The following REXO1 variants were observed in gnomAD, a reference collection of about 807,000 sequenced individuals.
The protein encoded by REXO1 is RNA exonuclease 1 homolog.
Under a neutral mutation model 102.6 loss-of-function variants are expected in REXO1, and 42 were observed. The observed-to-expected ratio is 0.41, with a 90% CI of 0.32 to 0.53. REXO1 has a LOEUF of 0.53. Ranked by LOEUF, REXO1 falls within the 20% of genes least tolerant of loss-of-function variation. The pLI is 0.27. For missense variants in REXO1, 1,819 were observed against 1,732.5 expected, an observed-to-expected ratio of 1.05 and a Z score of -0.89; for synonymous variants, 908 against 779.1, an observed-to-expected ratio of 1.17 and a Z score of -2.76.
Position 1,819,018 on chromosome 19 carries a change from C to G in REXO1, c.2764G>C (p.Gly922Arg), listed in dbSNP as rs774246641. The part of the protein sequence containing the change: ...PSSPRVEDLK[G>R]AALYSRLREY... Reference sequence around the variant, plus strand: ...TGGCAGAGCAGGGGCAGGGCCTTACCTTTCAGGTCCTCCACCCGGGGGCTG... The same window carrying G: ...TGGCAGAGCAGGGGCAGGGCCTTACGTTTCAGGTCCTCCACCCGGGGGCTG... Residue 922 changes from glycine to arginine, a missense_variant and splice_region_variant, in exon 8 of 16, where the codon GGG becomes CGG. Coordinates refer to ENST00000170168, the MANE Select transcript of REXO1 (RefSeq NM_020695.4). 2 of 1,598,964 alleles carry G rather than the reference C, an allele frequency of 1.3e-6. No homozygotes were observed. Among genetic ancestry groups the G allele is most frequent in the East Asian group, 4.5e-5 (2 of 44,670 alleles).
intron 14 of REXO1, 31 bp from the exon 15 acceptor site, chr19:1,816,376 G>T (rs530385958): frequency 2.5e-6 from 4 of 1,594,798 alleles, no homozygotes; most frequent in Non-Finnish European, 3.4e-6. Flanking sequence ...CAGCGCACGT[G>T]GGGCCTGCGC....
At chr19:1,844,837 G>A (rs949897009) in intron 1 of REXO1, among the ~76,000 whole-genome samples, 14 of 152,198 alleles carry the variant, frequency 9.2e-5, no homozygotes, top group African/African-American at 2.2e-4. Flanking sequence ...AGCCTGTGGC[G>A]CAGCACTAGC....
rs1384565837 is a variant in REXO1 at position 1,817,257 on chromosome 19, C to T, written c.3163G>A (p.Asp1055Asn). ...VKTFEKELSG[D>N]THPGIYALDC... ...AGGGCGTAGATCCCCGGGTGGGTGT[C>T]TCCTGAGAGCTCTTTCTCAAAGGTC... Residue 1055 changes from aspartate (D) to asparagine (N), a missense_variant, in exon 12 of 16, where the codon GAC becomes AAC. By Grantham distance (23) the Asp-to-Asn change is conservative. Transcript: ENST00000170168. The T allele has an allele frequency of 5.6e-6, 9 of 1,613,216 alleles. No individual in the cohort carries two copies. The highest frequency in any genetic ancestry group is 5.9e-6 in the Non-Finnish European group (7 of 1,180,004).
chr19:1,843,798 C>T (rs1056895093), intron 1 of REXO1, among the ~76,000 whole-genome samples: 1 of 152,224 alleles, frequency 6.6e-6, no homozygotes, highest in African/African-American at 2.4e-5. Context: ...GGTGGTCAGA[C>T]GGTGCCTTCA....
At chr19:1,837,606 C>T (rs2070077309) in intron 1 of REXO1, among the ~76,000 whole-genome samples, 1 of 152,224 alleles carries the variant, frequency 6.6e-6, no homozygotes, top group Non-Finnish European at 1.5e-5. Flanking sequence ...CCACACCAGA[C>T]TCCACCCAGG....
At chr19:1,844,650 G>A (rs2011454053) in intron 1 of REXO1, among the ~76,000 whole-genome samples, 2 of 152,196 alleles carry the variant, frequency 1.3e-5, no homozygotes, top group South Asian at 2.1e-4. Flanking sequence ...AGCCCCAGCT[G>A]GGACGCCGCC....
Position 1,846,166 on chromosome 19 carries a change from A to G in REXO1, c.157+2036T>C, listed in dbSNP as rs796292466. Among the ~76,000 whole-genome samples, 9 of 152,312 alleles carry G rather than the reference A, an allele frequency of 5.9e-5. 2 individuals carry two copies. Among genetic ancestry groups the G allele is most frequent in the African/African-American group, 1.7e-4 (7 of 41,552 alleles). The stretch of plus-strand genomic sequence containing the variant: ...CACCCTAAAATCCCCTTGAGAAGAC[A>G]TGGCAAAGGCTAGATCACGCCAGCC... On this transcript the variant is annotated intron_variant, in intron 1 of 15. Transcript: ENST00000170168.
intron 3 of REXO1, among the ~76,000 whole-genome samples, chr19:1,824,775 G>T (rs563567329): frequency 7.1e-5 from 9 of 126,442 alleles, no homozygotes; most frequent in Non-Finnish European, 1.3e-4. Flanking sequence ...TTTATGAATG[G>T]ATAACTCATT....
Position 1,826,641 on chromosome 19 carries a change from C to T in REXO1, c.1911+237G>A, listed in dbSNP as rs1172253818. Among the ~76,000 whole-genome samples, 2 of 152,034 alleles carry T rather than the reference C, an allele frequency of 1.3e-5. No individual in the cohort carries two copies. The highest frequency in any genetic ancestry group is 3.9e-4 in the East Asian group (2 of 5,152). On this transcript the variant is annotated intron_variant, in intron 2 of 15. Coordinates refer to ENST00000170168, the MANE Select transcript of REXO1 (RefSeq NM_020695.4). This position sits in a 1 kb window ranked among gnomAD's most constrained non-coding sequence, Gnocchi z 4.3. ...GACCGTGTGCACGTGGCCACAGAAG[C>T]CTGGCTGGTGGCCACGGGCCAGTGA... is the stretch of plus-strand genomic sequence containing the variant.
chr19:1,816,898 C>G, intron 12 of REXO1, 85 bp from the exon 13 acceptor site: 2 of 1,037,646 alleles, frequency 1.9e-6, no homozygotes, highest in Non-Finnish European at 2.9e-6. Flanking sequence ...TCTCCAGAGC[C>G]CCTCCAGGCA....
chr19:1,847,195 G>A (rs368685986), intron 1 of REXO1, among the ~76,000 whole-genome samples: 1 of 152,224 alleles, frequency 6.6e-6, no homozygotes, highest in African/African-American at 2.4e-5. Flanking sequence ...CACAGGTGCA[G>A]GTGTCCCAAG....
Position 1,817,793 on chromosome 19 carries a change from C to A in REXO1, c.3017-13G>T, listed in dbSNP as rs2069414675. 1.2e-6 allele frequency: 2 copies of A among 1,609,656 alleles called. No individual in the cohort carries two copies. Among genetic ancestry groups the A allele is most frequent in the Non-Finnish European group, 1.7e-6 (2 of 1,178,190 alleles). ...CAGCCTCCGGCCACTGCAGGGGACA[C>A]AGACACACAGTCAGGGCCCGGCCAG... is the stretch of plus-strand genomic sequence containing the variant. On this transcript the variant is annotated splice_polypyrimidine_tract_variant and intron_variant, in intron 10 of 15. Transcript: ENST00000170168.
In REXO1 at chr19:1,819,965, GC is replaced by G; in HGVS notation, c.2618del (p.Gly873AlafsTer48). The G allele has an allele frequency of 1.9e-6, 3 of 1,588,956 alleles. No individual in the cohort carries two copies. Among genetic ancestry groups the G allele is most frequent in the Non-Finnish European group, 2.6e-6 (3 of 1,171,396 alleles). On this transcript the variant is annotated frameshift_variant, in exon 7 of 16. Coordinates refer to ENST00000170168, the MANE Select transcript of REXO1 (RefSeq NM_020695.4). LOFTEE classifies it high-confidence loss of function. ...GGCCGGGCACAGCGCTGGGGGCCAGGCCCCTGAGCTTCTTGAGGGTGTTCAC... is the reference window on the plus strand; with the variant it reads ...GGCCGGGCACAGCGCTGGGGGCCAGGCCCTGAGCTTCTTGAGGGTGTTCAC... ...VAVNTLKKLR[G>X]LAPSAVPGLS...
chr19:1,830,233 G>A (rs2069865588), intron 1 of REXO1, among the ~76,000 whole-genome samples: 1 of 152,242 alleles, frequency 6.6e-6, no homozygotes, highest in Non-Finnish European at 1.5e-5. Context: ...GCACGGCCAG[G>A]CACAGTGGCT....
Position 1,828,651 on chromosome 19 carries a change from C to T in REXO1, c.158-20G>A, listed in dbSNP as rs752294137. The T allele has an allele frequency of 3.8e-6, 6 of 1,572,562 alleles. No individual in the cohort carries two copies. Among genetic ancestry groups the T allele is most frequent in the Non-Finnish European group, 5.2e-6 (6 of 1,162,532 alleles). The stretch of plus-strand genomic sequence containing the variant: ...CCAGCCCTGAAGGGAACAGAGAGCA[C>T]AGCTGTGACCAGCCTGCCGGAGAGG... On this transcript the variant is annotated intron_variant, in intron 1 of 15. Transcript: ENST00000170168.
At chr19:1,835,481 G>C (rs1293561747) in intron 1 of REXO1, among the ~76,000 whole-genome samples, 1 of 152,144 alleles carries the variant, frequency 6.6e-6, no homozygotes, top group African/African-American at 2.4e-5. Context: ...CTGGGAAGTG[G>C]AGGTTGCAGT....
At chr19:1,840,345 T>C (rs939707722) in intron 1 of REXO1, among the ~76,000 whole-genome samples, 9 of 152,084 alleles carry the variant, frequency 5.9e-5, no homozygotes. Context: ...TCTCCAGACA[T>C]GAGTCTCTGT....
rs2069377104 is a variant in REXO1, at chr19:1,816,754, G to A, written c.3261C>T (p.His1087=). 1.4e-5 allele frequency: 22 copies of A among 1,611,830 alleles called. No individual in the cohort carries two copies. The highest frequency in any genetic ancestry group is 5.5e-5 in the South Asian group (5 of 91,004). Residue 1087 remains histidine, a synonymous_variant, in exon 13 of 16, where the codon CAC becomes CAT. Transcript: ENST00000170168. ...TRVTVVDTDV[H]VVYDTFVKPD... ...GCTTCACGAAGGTGTCATAAACCAC[G>A]TGCACGTCCGTGTCGACCACCGTGA...
chr19:1,816,629 GGGGGAGGGT>G, intron 13 of REXO1, 60 bp from the exon 14 acceptor site: 1 of 1,585,406 alleles, frequency 6.3e-7, no homozygotes, highest in Non-Finnish European at 8.6e-7. Flanking sequence ...CTGGTGGGGC[GGGGGAGGGT>G]GGGTCCCTGG....
Sources: gnomAD v4.1 joint callset for allele counts (sites outside exome capture counted in the v4.1 genomes callset) on GRCh38, gnomAD v4.1.1 for gene constraint, Gnocchi (gnomAD v3.1) non-coding constraint, MANE v1.5 for transcripts, NCBI Gene and HGNC (gene_info 2026-07-23, HGNC 2026-07-21) for gene names.